The following HPSE2 variants were observed in gnomAD, a reference collection of about 807,000 sequenced individuals.
HPSE2 encodes heparanase 2 (inactive), also known as inactive heparanase-2.
In HPSE2, 38 loss-of-function variants were observed where a neutral mutation model predicts 60.5. That is an observed-to-expected ratio of 0.63 (90% CI 0.48 to 0.82). The LOEUF is 0.82. HPSE2 is among the 40% of genes least tolerant of loss of function. The pLI is 0.00. For missense variants in HPSE2, 713 were observed against 740.4 expected (o/e 0.96, Z 0.43); for synonymous variants, 295 against 293.2 (o/e 1.01, Z -0.06).
chr10:98,941,323 T>A (rs1409278741), intron 3 of HPSE2, among the ~76,000 whole-genome samples: 1 of 124,436 alleles, frequency 8.0e-6, no homozygotes, highest in Non-Finnish European at 1.6e-5. Context: ...TGATTGTATA[T>A]CTAGAAAACC....
chr10:99,059,790 G>T (rs1958193525), intron 3 of HPSE2, among the ~76,000 whole-genome samples: 1 of 152,074 alleles, frequency 6.6e-6, no homozygotes, highest in African/African-American at 2.4e-5. Flanking sequence ...ACTACACATA[G>T]ATAAAGATAC....
intron 3 of HPSE2, among the ~76,000 whole-genome samples, chr10:98,925,074 C>T (rs192580340): frequency 1.3e-5 from 2 of 152,344 alleles, no homozygotes; most frequent in Admixed American, 1.3e-4. Flanking sequence ...TCTCTCTGCA[C>T]TGCATGGCCA....
At chr10:99,268,453 C>T in the HPSE2 span, among the ~76,000 whole-genome samples, 2 of 151,804 alleles carry the variant, frequency 1.3e-5, no homozygotes, top group Admixed American at 6.6e-5. Context: ...AACAGCCTGG[C>T]CAACATGGTG....
At chr10:99,261,401 C>T in the HPSE2 span, among the ~76,000 whole-genome samples, 1 of 152,184 alleles carries the variant, frequency 6.6e-6, no homozygotes, top group Non-Finnish European at 1.5e-5. Flanking sequence ...ACCTACCCAA[C>T]AATTGCCTCT....
At chr10:98,465,098 C>T (rs1259796650) in intron 11 of HPSE2, among the ~76,000 whole-genome samples, 1 of 152,216 alleles carries the variant, frequency 6.6e-6, no homozygotes, top group Non-Finnish European at 1.5e-5. Context: ...CCATTCTATT[C>T]TTCCTGCCTA....
intron 3 of HPSE2, among the ~76,000 whole-genome samples, chr10:98,810,447 C>T (rs1489894963): frequency 1.3e-5 from 2 of 152,058 alleles, no homozygotes; most frequent in Non-Finnish European, 2.9e-5. Context: ...TCTTCTGAGA[C>T]TTCTTTAGAC....
At chr10:98,731,853 A>G (rs1949236671) in intron 4 of HPSE2, among the ~76,000 whole-genome samples, 1 of 152,202 alleles carries the variant, frequency 6.6e-6, no homozygotes, top group African/African-American at 2.4e-5. Flanking sequence ...TTCTCAGACA[A>G]TATGATCCTA....
the HPSE2 span, among the ~76,000 whole-genome samples, chr10:99,304,240 C>T: frequency 2.0e-5 from 3 of 152,224 alleles, no homozygotes; most frequent in Non-Finnish European, 2.9e-5. Flanking sequence ...CATGGCAACA[C>T]CCAGGAGTTA....
chr10:98,559,372 G>A (rs1357024171), intron 9 of HPSE2, among the ~76,000 whole-genome samples: 1 of 152,022 alleles, frequency 6.6e-6, no homozygotes, highest in Non-Finnish European at 1.5e-5. Context: ...CCAGGATAGA[G>A]CTCACTTTTT....
intron 3 of HPSE2, among the ~76,000 whole-genome samples, chr10:98,915,128 G>T (rs1954082255): frequency 6.8e-6 from 1 of 146,912 alleles, no homozygotes; most frequent in Non-Finnish European, 1.5e-5. Context: ...ATTTTATATT[G>T]TTCTACAGTT....
chr10:98,647,794 T>C (rs980103557), intron 6 of HPSE2, among the ~76,000 whole-genome samples: 5 of 152,202 alleles, frequency 3.3e-5, no homozygotes, highest in Non-Finnish European at 1.5e-5. Flanking sequence ...AACCTTCTTA[T>C]CTTGTGTTTC....
At chr10:99,161,551 TG>T (rs1382192845) in intron 2 of HPSE2, among the ~76,000 whole-genome samples, 2 of 152,142 alleles carry the variant, frequency 1.3e-5, no homozygotes, top group East Asian at 3.9e-4. Flanking sequence ...AAGGCTGGGA[TG>T]GGAGAAGGGC....
intron 3 of HPSE2, among the ~76,000 whole-genome samples, chr10:99,063,517 T>C (rs778126212): frequency 6.6e-6 from 1 of 152,194 alleles, no homozygotes; most frequent in Non-Finnish European, 1.5e-5. Flanking sequence ...ACATTCACAG[T>C]TGAAAAGAGT....
chr10:98,932,950 G>C lies in HPSE2; in HGVS notation c.611-188894C>G, dbSNP rs761297193. On this transcript the variant is annotated intron_variant, in intron 3 of 11. Transcript: ENST00000370552. The stretch of plus-strand genomic sequence containing the variant: ...CAGCTCCTGGATTTGTTGATTTTTC[G>C]AAGTGTTTTTCAGGTCTCTATCTCC... 5.6e-5 allele frequency among the ~76,000 whole-genome samples: 8 copies of C among 142,864 alleles called. 1 individual carries two copies. The highest frequency in any genetic ancestry group is 8.6e-5 in the African/African-American group (3 of 34,882). 93.7% of individuals were successfully genotyped at this position (142,864 alleles called of 152,430 possible). A position where few individuals can be genotyped will look rare whatever the true frequency, so the allele number is the denominator to read the frequency against.
chr10:99,028,203 G>A (rs1012890643), intron 3 of HPSE2, among the ~76,000 whole-genome samples: 1 of 152,120 alleles, frequency 6.6e-6, no homozygotes, highest in African/African-American at 2.4e-5. Flanking sequence ...AAGAAGTCAA[G>A]TTATATTTGT....
intron 6 of HPSE2, among the ~76,000 whole-genome samples, chr10:98,655,076 T>G (rs1227869092): frequency 6.6e-6 from 1 of 152,224 alleles, no homozygotes; most frequent in African/African-American, 2.4e-5. Context: ...TGGTTAAATC[T>G]CAGTCTTTTA....
chr10:98,882,918 T>C (rs1301220292), intron 3 of HPSE2, among the ~76,000 whole-genome samples: 2 of 152,056 alleles, frequency 1.3e-5, no homozygotes, highest in African/African-American at 4.8e-5. Flanking sequence ...AATATCACAG[T>C]ATTAGCAGGT....
chr10:98,469,841 C>A (rs574003293), intron 11 of HPSE2, among the ~76,000 whole-genome samples: 9 of 152,260 alleles, frequency 5.9e-5, no homozygotes, highest in Non-Finnish European at 1.2e-4. Flanking sequence ...TATGGCACAT[C>A]CTTCCAGCTC....
the HPSE2 span, among the ~76,000 whole-genome samples, chr10:99,257,829 A>C: frequency 9.9e-5 from 15 of 152,240 alleles, no homozygotes; most frequent in Admixed American, 9.2e-4. Context: ...GAACCTGCCG[A>C]CATGTGATGT....
Sources: allele counts gnomAD v4.1 joint callset (sites outside exome capture counted in the v4.1 genomes callset), GRCh38; gene constraint gnomAD v4.1.1; transcripts MANE v1.5; gene names NCBI Gene and HGNC (gene_info 2026-07-23, HGNC 2026-07-21).